The following RBPMS variants were observed in gnomAD, a reference collection of about 807,000 sequenced individuals.
RBPMS encodes the protein RNA binding protein, mRNA processing factor.
RBPMS carries 7 observed loss-of-function variants against 26.8 expected under a neutral mutation model. The observed-to-expected ratio is 0.26, with a 90% CI of 0.15 to 0.49. The LOEUF (loss-of-function observed/expected upper bound fraction) is 0.49, where lower values mean the gene tolerates loss of function less well. Among genes scored for constraint, RBPMS ranks in the 20% least tolerant of loss-of-function variants. The pLI, the probability that RBPMS is intolerant of heterozygous loss-of-function variation, is 0.98. For missense variants in RBPMS, 186 were observed against 250.0 expected, an observed-to-expected ratio of 0.74 and a Z score of 1.73; for synonymous variants, 96 against 93.3, an observed-to-expected ratio of 1.03 and a Z score of -0.17.
At chr8:30,521,542 T>TA (rs1823022896) in intron 5 of RBPMS, among the ~76,000 whole-genome samples, 1 of 152,208 alleles carries the variant, frequency 6.6e-6, no homozygotes, top group African/African-American at 2.4e-5. Context: ...TGGGAATGCT[T>TA]ATTTCCCTGC....
chr8:30,434,205 T>C (rs1018768956), intron 1 of RBPMS, among the ~76,000 whole-genome samples: 1 of 152,194 alleles, frequency 6.6e-6, no homozygotes, highest in African/African-American at 2.4e-5. Flanking sequence ...ATGAAGGAGC[T>C]ACACTAGATA....
intron 4 of RBPMS, among the ~76,000 whole-genome samples, chr8:30,484,131 T>C (rs141456628): frequency 8.1e-4 from 123 of 152,306 alleles, no homozygotes; most frequent in African/African-American, 3.0e-3. Context: ...GTGGTGATCA[T>C]ATGTTAGCTT....
At chr8:30,488,262 A>G (rs1390401523) in intron 4 of RBPMS, among the ~76,000 whole-genome samples, 1 of 152,234 alleles carries the variant, frequency 6.6e-6, no homozygotes, top group East Asian at 1.9e-4. Flanking sequence ...ATAACAAAGG[A>G]ACAAAAACAG....
At chr8:30,537,453 G>A in intron 5 of RBPMS, 2 of 418,038 alleles carry the variant, frequency 4.8e-6, no homozygotes, top group South Asian at 3.5e-5. Context: ...ATAGTGGAGT[G>A]GGGAGACGGT....
In RBPMS at chr8:30,494,875, C is replaced by T. The variant is rs147834911; in HGVS notation, c.247-9411C>T. Among the ~76,000 whole-genome samples the T allele has an allele frequency of 3.3e-3, 506 of 152,274 alleles. 2 individuals carry two copies. Among genetic ancestry groups the T allele is most frequent in the Non-Finnish European group, 4.6e-3 (310 of 68,024 alleles). On this transcript the variant is annotated intron_variant, in intron 4 of 8. Coordinates refer to ENST00000397323, the MANE Select transcript of RBPMS (RefSeq NM_001008710.3). ...TGTTATTGGAGCAGTTACTACATAC[C>T]TTAAACACAATGTATTGTTTTCACC...
In RBPMS at chr8:30,563,819, T is replaced by G. The variant is rs183575732; in HGVS notation, c.*8-2438T>G. Among the ~76,000 whole-genome samples, 432 of 152,292 alleles carry G rather than the reference T, an allele frequency of 2.8e-3. 4 individuals carry two copies. Among genetic ancestry groups the G allele is most frequent in the African/African-American group, 9.7e-3 (405 of 41,552 alleles). The stretch of plus-strand genomic sequence containing the variant: ...CCCAGACAGCTGCGGTGGCTCCTGC[T>G]GTCACGCTGGCCTCCCCTTAGAAGA... On this transcript the variant is annotated intron_variant, in intron 7 of 8. Coordinates refer to ENST00000397323, the MANE Select transcript of RBPMS (RefSeq NM_001008710.3).
At chr8:30,438,404 G>A (rs1359182316) in intron 1 of RBPMS, among the ~76,000 whole-genome samples, 4 of 152,204 alleles carry the variant, frequency 2.6e-5, no homozygotes, top group Admixed American at 2.6e-4. Flanking sequence ...GGTCATTACT[G>A]CAAGGAAGGA....
intron 4 of RBPMS, 43 bp downstream of exon 4, chr8:30,479,420 T>C: frequency 2.2e-6 from 3 of 1,371,378 alleles, no homozygotes. Context: ...CCATATGAGG[T>C]GGTGGGAAGT....
intron 1 of RBPMS, among the ~76,000 whole-genome samples, chr8:30,448,640 T>A (rs1814159183): frequency 6.6e-6 from 1 of 152,206 alleles, no homozygotes; most frequent in African/African-American, 2.4e-5. Context: ...ATGGGTATAA[T>A]GGTTGACAGC....
chr8:30,486,060 C>T (rs373236893), intron 4 of RBPMS, among the ~76,000 whole-genome samples: 1 of 152,086 alleles, frequency 6.6e-6, no homozygotes, highest in Non-Finnish European at 1.5e-5. Flanking sequence ...CTAATAAAAG[C>T]GCCTTGCCAG....
At chr8:30,425,831 A>G (rs1811290954) in intron 1 of RBPMS, among the ~76,000 whole-genome samples, 1 of 152,162 alleles carries the variant, frequency 6.6e-6, no homozygotes, top group Non-Finnish European at 1.5e-5. Flanking sequence ...CAATCCTAGG[A>G]GGAGGTACAG....
At chr8:30,516,047 A>G (rs1822271388) in intron 5 of RBPMS, among the ~76,000 whole-genome samples, 1 of 152,258 alleles carries the variant, frequency 6.6e-6, no homozygotes, top group Admixed American at 6.5e-5. Flanking sequence ...GGTGTCCTAA[A>G]ACCAAAGTTT....
intron 5 of RBPMS, among the ~76,000 whole-genome samples, chr8:30,509,110 C>T (rs1440950809): frequency 6.6e-6 from 1 of 152,166 alleles, no homozygotes; most frequent in Non-Finnish European, 1.5e-5. Context: ...TTATTTTCCT[C>T]CCCTCTAGGC....
intron 1 of RBPMS, among the ~76,000 whole-genome samples, chr8:30,423,498 G>A (rs1002020617): frequency 3.9e-5 from 6 of 152,148 alleles, no homozygotes; most frequent in Admixed American, 6.5e-5. Flanking sequence ...TAGTATGGGC[G>A]GGGCTTCCAG....
chr8:30,555,668 C>T (rs1203259856), intron 6 of RBPMS, among the ~76,000 whole-genome samples: 2 of 152,232 alleles, frequency 1.3e-5, no homozygotes, highest in African/African-American at 4.8e-5. Context: ...GCCCTTGTCA[C>T]ATTATTCTAA....
chr8:30,566,709 G>A (rs544055984), intron 8 of RBPMS, among the ~76,000 whole-genome samples: 3 of 152,180 alleles, frequency 2.0e-5, no homozygotes, highest in East Asian at 1.9e-4. Flanking sequence ...TTTAAGCATC[G>A]CCTTTTTTGG....
intron 7 of RBPMS, chr8:30,564,498 G>T (rs1213820812): frequency 6.6e-6 from 1 of 152,268 alleles, no homozygotes; most frequent in African/African-American, 2.4e-5. Context: ...TCCTGTGGAC[G>T]TGGTGGGTGC....
chr8:30,487,402 A>G (rs1044689046), intron 4 of RBPMS, among the ~76,000 whole-genome samples: 1 of 152,242 alleles, frequency 6.6e-6, no homozygotes, highest in African/African-American at 2.4e-5. Flanking sequence ...GCATTAAAAC[A>G]TTTTAAAACC....
Position 30,477,808 on chromosome 8 carries a change from G to T in RBPMS, c.154G>T (p.Gly52Cys). ...LLFRPFKGYE[G>C]SLIKLTSKQP... ...TTTTCTTTATTTTCAGGGCTATGAGGGTTCTCTTATAAAGCTCACATCTAA... is the reference window on the plus strand; with the variant it reads ...TTTTCTTTATTTTCAGGGCTATGAGTGTTCTCTTATAAAGCTCACATCTAA... The change falls in exon 3 of 9, where the codon GGT (glycine) becomes TGT (cysteine). Residue 52 changes from glycine (G) to cysteine (C), a missense_variant. Around this residue, in one of 3 missense-constraint regions of RBPMS, gnomAD observed 50 missense variants for 108.5 expected, o/e 0.46. Coordinates refer to ENST00000397323, the MANE Select transcript of RBPMS (RefSeq NM_001008710.3). The T allele has an allele frequency of 6.2e-7, 1 of 1,608,900 alleles. No individual in the cohort carries two copies. The highest frequency in any genetic ancestry group is 8.5e-7 in the Non-Finnish European group (1 of 1,175,672).
Sources: allele counts gnomAD v4.1 joint callset (sites outside exome capture counted in the v4.1 genomes callset), GRCh38; gene constraint gnomAD v4.1.1; regional missense constraint gnomAD v4.1.1; transcripts MANE v1.5; gene names NCBI Gene and HGNC (gene_info 2026-07-23, HGNC 2026-07-21).